HECW1: variants seen among roughly 807,000 people sequenced by gnomAD.
The protein encoded by HECW1 is HECT, C2 and WW domain containing E3 ubiquitin protein ligase 1.
A neutral mutation model predicts 182.3 loss-of-function variants in HECW1; 61 were observed. The observed-to-expected ratio is 0.33, with a 90% CI of 0.27 to 0.41. The LOEUF is 0.41. Ranked by LOEUF, HECW1 falls within the 10% of genes least tolerant of loss-of-function variation. The pLI is 1.00. For missense variants in HECW1, 1,739 were observed against 2,108.9 expected, an observed-to-expected ratio of 0.82 and a Z score of 3.44; for synonymous variants, 859 against 832.6, an observed-to-expected ratio of 1.03 and a Z score of -0.55.
At chr7:43,155,435 C>A (rs1789778752) in intron 2 of HECW1, among the ~76,000 whole-genome samples, 1 of 151,830 alleles carries the variant, frequency 6.6e-6, no homozygotes, top group African/African-American at 2.4e-5. Context: ...TGGTTAAAAT[C>A]CAAGATGAAA....
chr7:43,418,370 A>G (rs112966559), intron 8 of HECW1, among the ~76,000 whole-genome samples: 407 of 152,328 alleles, frequency 2.7e-3, no homozygotes, highest in Non-Finnish European at 4.8e-3. Context: ...TCTTGAAGCT[A>G]TAAGTTTGTT....
intron 24 of HECW1, among the ~76,000 whole-genome samples, chr7:43,515,051 A>C (rs1233290180): frequency 6.6e-6 from 1 of 152,232 alleles, no homozygotes; most frequent in Admixed American, 6.5e-5. Context: ...TATAGTGCTT[A>C]TCACATTGTA....
intron 8 of HECW1, among the ~76,000 whole-genome samples, chr7:43,417,797 GGT>G (rs1192634917): frequency 6.6e-6 from 1 of 152,064 alleles, no homozygotes; most frequent in Non-Finnish European, 1.5e-5. Context: ...CTATCTGTCA[GGT>G]GTCAGTTTTC....
chr7:43,488,376 AAGGAAGGAAGGAAG>A (rs1563044974), intron 17 of HECW1, among the ~76,000 whole-genome samples: 4,850 of 115,692 alleles, frequency 0.042, 348 homozygotes, highest in Non-Finnish European at 0.06. Context: ...GGAAGGAAGG[AAGGAAGGAAGGAAG>A]GAAGGAAGGA....
intron 17 of HECW1, among the ~76,000 whole-genome samples, chr7:43,488,690 G>A (rs1292463919): frequency 6.6e-6 from 1 of 152,108 alleles, no homozygotes; most frequent in East Asian, 1.9e-4. Context: ...CTCCAGCCCT[G>A]CCTGAAACTG....
At chr7:43,235,159 C>A (rs763454249) in intron 2 of HECW1, among the ~76,000 whole-genome samples, 1 of 152,126 alleles carries the variant, frequency 6.6e-6, no homozygotes, top group Non-Finnish European at 1.5e-5. Flanking sequence ...TCCAAGGGAG[C>A]CCGGAGCTCT....
chr7:43,430,579 AGAGCTG>A (rs1320933942), intron 8 of HECW1, among the ~76,000 whole-genome samples: 15 of 152,176 alleles, frequency 9.9e-5, no homozygotes, highest in Admixed American at 4.6e-4. Context: ...CAAGCAAAAC[AGAGCTG>A]TTTAAGCCGA....
chr7:43,504,627 T>A (rs2079505182), intron 21 of HECW1, among the ~76,000 whole-genome samples: 2 of 152,218 alleles, frequency 1.3e-5, no homozygotes, highest in Admixed American at 1.3e-4. Flanking sequence ...GGCAGATTAT[T>A]AATTCTAAAT....
At chr7:43,392,958 C>A (rs2075095294) in intron 6 of HECW1, among the ~76,000 whole-genome samples, 1 of 152,010 alleles carries the variant, frequency 6.6e-6, no homozygotes, top group African/African-American at 2.4e-5. Flanking sequence ...TTTCAAAAGG[C>A]AATTGTAGAG....
intron 5 of HECW1, among the ~76,000 whole-genome samples, chr7:43,325,711 C>T (rs962400896): frequency 1.3e-5 from 2 of 152,124 alleles, no homozygotes; most frequent in Admixed American, 1.3e-4. Context: ...CCGTGCCTTG[C>T]CCTAGTGTCC....
chr7:43,116,074 C>G (rs893357506), intron 2 of HECW1, among the ~76,000 whole-genome samples: 1 of 152,134 alleles, frequency 6.6e-6, no homozygotes, highest in Non-Finnish European at 1.5e-5. Flanking sequence ...GAATCCTTCA[C>G]TTTGTGAGTC....
chr7:43,489,105 C>T (rs1294709649), intron 17 of HECW1, among the ~76,000 whole-genome samples: 2 of 152,146 alleles, frequency 1.3e-5, no homozygotes, highest in African/African-American at 4.8e-5. Flanking sequence ...CAGTTAGACA[C>T]TTTCACTCAG....
At chr7:43,550,379 T>C in intron 26 of HECW1, 66 bp from the exon 27 acceptor site, 1 of 1,579,644 alleles carries the variant, frequency 6.3e-7, no homozygotes, top group Admixed American at 1.7e-5. Context: ...CCCCCTAAAA[T>C]CAGTGTGCCT....
intron 5 of HECW1, among the ~76,000 whole-genome samples, chr7:43,340,245 G>A (rs1812797731): frequency 8.2e-6 from 1 of 122,252 alleles, no homozygotes; most frequent in Admixed American, 1.1e-4. Context: ...TTCTAAGACG[G>A]AGTATCGCTC....
intron 4 of HECW1, among the ~76,000 whole-genome samples, chr7:43,319,703 G>A (rs1206399940): frequency 8.9e-5 from 12 of 134,104 alleles, no homozygotes; most frequent in Admixed American, 3.2e-4. Flanking sequence ...GGGTTCAAGC[G>A]ATTCTCCTGC....
At position 43,429,050 on chromosome 7, in the gene HECW1, A is replaced by G. The variant is rs558249432; in HGVS notation, c.802-8953A>G. ...TTACATATAATATACAATTATATGC[A>G]TATTACATATTTAAATACATACACA... On this transcript the variant is annotated intron_variant, in intron 8 of 29. Coordinates refer to ENST00000395891, the MANE Select transcript of HECW1 (RefSeq NM_015052.5). 3.3e-5 allele frequency among the ~76,000 whole-genome samples: 5 copies of G among 150,202 alleles called. No individual in the cohort carries two copies. In the South Asian group the frequency reaches 1.0e-3, roughly 31 times the overall value.
chr7:43,163,263 A>G (rs1467116796), intron 2 of HECW1: 1 of 152,216 alleles, frequency 6.6e-6, no homozygotes, highest in Non-Finnish European at 1.5e-5. Context: ...CAGATTCATT[A>G]CTAGTTTGAG....
At chr7:43,254,440 G>A (rs913774173) in intron 3 of HECW1, among the ~76,000 whole-genome samples, 3 of 152,182 alleles carry the variant, frequency 2.0e-5, no homozygotes, top group East Asian at 3.8e-4. Flanking sequence ...ATAATGCCAG[G>A]TGGCATGGTT....
intron 12 of HECW1, among the ~76,000 whole-genome samples, chr7:43,454,128 C>T (rs952891771): frequency 2.6e-5 from 4 of 152,132 alleles, no homozygotes; most frequent in African/African-American, 9.7e-5. Flanking sequence ...CTAGCTTTTT[C>T]CCTTAATTTA....
Sources: gnomAD v4.1 joint callset for allele counts (sites outside exome capture counted in the v4.1 genomes callset) on GRCh38, gnomAD v4.1.1 for gene constraint, MANE v1.5 for transcripts, NCBI Gene and HGNC (gene_info 2026-07-23, HGNC 2026-07-21) for gene names.